The following ZDHHC11B variants were observed in gnomAD, a reference collection of about 807,000 sequenced individuals.
The protein encoded by ZDHHC11B is zDHHC palmitoyltransferase 11B (putative), also known as probable palmitoyltransferase ZDHHC11B.
A neutral mutation model predicts 42.3 loss-of-function variants in ZDHHC11B; 17 were observed. The observed-to-expected ratio is 0.40, with a 90% CI of 0.27 to 0.60. The LOEUF is 0.60. ZDHHC11B is among the 20% of genes least tolerant of loss of function. The probability of loss-of-function intolerance (pLI) is 0.41; values close to 1 mark genes in which losing one functional copy is unlikely to be tolerated. For missense variants in ZDHHC11B, 262 were observed against 463.2 expected (o/e 0.57, Z 3.99); for synonymous variants, 123 against 193.5 (o/e 0.64, Z 3.02).
intron 6 of ZDHHC11B, among the ~76,000 whole-genome samples, chr5:754,135 G>A (rs1746180723): frequency 1.5e-5 from 2 of 131,554 alleles, no homozygotes; most frequent in African/African-American, 2.5e-5. Context: ...TGTGCTCAGG[G>A]GAAACACCTC....
chr5:742,766 T>A (rs1744312356), intron 9 of ZDHHC11B, among the ~76,000 whole-genome samples: 1 of 149,514 alleles, frequency 6.7e-6, no homozygotes, highest in African/African-American at 2.5e-5. Context: ...ACCTGCAGTA[T>A]CTCTCATGTG....
chr5:744,205 C>T (rs1267655896), intron 9 of ZDHHC11B, among the ~76,000 whole-genome samples: 2 of 149,884 alleles, frequency 1.3e-5, no homozygotes, highest in East Asian at 4.1e-4. Context: ...AGTCCTGCCC[C>T]ATGCTGCTCG....
At chr5:754,251 G>T (rs1427147649) in intron 6 of ZDHHC11B, among the ~76,000 whole-genome samples, 29 of 118,034 alleles carry the variant, frequency 2.5e-4, no homozygotes, top group East Asian at 1.5e-3. Flanking sequence ...CCGTGCTCAG[G>T]GGAAACACCT....
In ZDHHC11B at chr5:716,341, G is replaced by C. The variant is rs1248488166; in HGVS notation, c.*7+460C>G. 4.0e-5 allele frequency among the ~76,000 whole-genome samples: 6 copies of C among 151,590 alleles called. No individual in the cohort carries two copies. The East Asian group carries it at 1.2e-3, about 29-fold the overall frequency. On this transcript the variant is annotated intron_variant, in intron 13 of 13. Coordinates refer to ENST00000508859, the MANE Select transcript of ZDHHC11B (RefSeq NM_001351303.2). ...TTTCCCCCTGATTCTGAAAGTAAAT[G>C]ATCATTTGTTTCACGGTTAAATTTC...
In ZDHHC11B at chr5:764,419, C is replaced by G. The variant is rs118001254; in HGVS notation, c.222+2279G>C. ...CACAGGCGGGAACCCAGCACTAGTT[C>G]GGGGTGGGCATGGGCTCAGCGGGCC... On this transcript the variant is annotated intron_variant, in intron 4 of 13. Transcript: ENST00000508859. Among the ~76,000 whole-genome samples, 236 of 151,108 alleles carry G rather than the reference C, an allele frequency of 1.6e-3. 2 individuals carry two copies. Among genetic ancestry groups the G allele is most frequent in the Non-Finnish European group, 2.6e-3 (178 of 67,354 alleles).
intron 10 of ZDHHC11B, among the ~76,000 whole-genome samples, chr5:738,875 A>C (rs1743828378): frequency 6.6e-6 from 1 of 150,966 alleles, no homozygotes; most frequent in South Asian, 2.1e-4. Context: ...ACTTCAGCAA[A>C]GAGCTCATGA....
intron 1 of ZDHHC11B, among the ~76,000 whole-genome samples, chr5:773,023 G>A (rs1174592288): frequency 6.6e-6 from 1 of 151,996 alleles, no homozygotes; most frequent in African/African-American, 2.4e-5. Context: ...TGGAGGAGCA[G>A]GACACGGGCC....
intron 12 of ZDHHC11B, among the ~76,000 whole-genome samples, chr5:725,940 A>T (rs1425890735): frequency 6.6e-6 from 1 of 152,076 alleles, no homozygotes; most frequent in African/African-American, 2.4e-5. Context: ...GAACAGCTCC[A>T]ACCTCCAGTG....
At position 744,157 on chromosome 5, in the gene ZDHHC11B, GC is replaced by G. The variant is rs1272516422; in HGVS notation, c.900+1025del. ...ATTGATTCCTAGGCCTTAAGGCACT[GC>G]TCACCCCTGGAGTGATATCACTTGG... On this transcript the variant is annotated intron_variant, in intron 9 of 13. Coordinates refer to ENST00000508859, the MANE Select transcript of ZDHHC11B (RefSeq NM_001351303.2). Among the ~76,000 whole-genome samples, 13 of 150,008 alleles carry G rather than the reference GC, an allele frequency of 8.7e-5. 3 individuals carry two copies. In the East Asian group the frequency reaches 2.7e-3, roughly 31 times the overall value.
intron 12 of ZDHHC11B, among the ~76,000 whole-genome samples, chr5:728,702 T>C (rs1742776436): frequency 6.6e-6 from 1 of 151,954 alleles, no homozygotes; most frequent in African/African-American, 2.4e-5. Flanking sequence ...GAGTATAAGT[T>C]AGGTATTAAA....
rs528298131 is a variant in ZDHHC11B at position 774,378 on chromosome 5, C to T, written c.-229-5448G>A. Among the ~76,000 whole-genome samples the T allele has an allele frequency of 3.7e-3, 564 of 152,258 alleles. 4 individuals carry two copies. Among genetic ancestry groups the T allele is most frequent in the Non-Finnish European group, 4.5e-3 (307 of 67,966 alleles). On this transcript the variant is annotated intron_variant, in intron 1 of 13. Transcript: ENST00000508859. ...TGGCATCAGTAAGCGGGGCCAGGCACTAGGACTGACCGGGCTCTGTCACTA... is the reference window on the plus strand; with the variant it reads ...TGGCATCAGTAAGCGGGGCCAGGCATTAGGACTGACCGGGCTCTGTCACTA...
In ZDHHC11B at chr5:753,704, G is replaced by C. The variant is rs1048318491; in HGVS notation, c.503+1294C>G. On this transcript the variant is annotated intron_variant, in intron 6 of 13. Coordinates refer to ENST00000508859, the MANE Select transcript of ZDHHC11B (RefSeq NM_001351303.2). The stretch of plus-strand genomic sequence containing the variant: ...GTCTCCCCGGCCCCTACCATCTCAC[G>C]CAGCCTCTGGACTCGCTGTGCGGTC... 4.7e-5 allele frequency among the ~76,000 whole-genome samples: 7 copies of C among 148,514 alleles called. 1 individual carries two copies. Among genetic ancestry groups the C allele is most frequent in the Admixed American group, 2.7e-4 (4 of 14,554 alleles).
At chr5:738,857 A>G (rs1394827716) in intron 10 of ZDHHC11B, among the ~76,000 whole-genome samples, 1 of 150,856 alleles carries the variant, frequency 6.6e-6, no homozygotes, top group Non-Finnish European at 1.5e-5. Context: ...AAACTTTTCT[A>G]GGCATTGACT....
chr5:718,443 G>A (rs968170528), intron 12 of ZDHHC11B, among the ~76,000 whole-genome samples: 1 of 151,752 alleles, frequency 6.6e-6, no homozygotes, highest in African/African-American at 2.4e-5. Flanking sequence ...GGAGGCTGAG[G>A]TGGGTGGATC....
Position 748,562 on chromosome 5 carries a change from G to T in ZDHHC11B, c.629-3C>A. 7.3e-7 allele frequency: 1 copy of T among 1,361,704 alleles called. No homozygotes were observed. Among genetic ancestry groups the T allele is most frequent in the Non-Finnish European group, 9.8e-7 (1 of 1,023,856 alleles). 84.4% of individuals were successfully genotyped at this position (1,361,704 alleles called of 1,614,324 possible). On this transcript the variant is annotated splice_polypyrimidine_tract_variant and splice_region_variant and intron_variant, in intron 7 of 13. Coordinates refer to ENST00000508859, the MANE Select transcript of ZDHHC11B (RefSeq NM_001351303.2). ...CCACGTGTTCATATTCTTGACATCT[G>T]GGGAGACAAGGGAGAGACACTGTGT...
chr5:774,900 G>A (rs1164961323), intron 1 of ZDHHC11B, among the ~76,000 whole-genome samples: 1 of 151,994 alleles, frequency 6.6e-6, no homozygotes, highest in East Asian at 1.9e-4. Context: ...CCACGCGGGG[G>A]TGGCGCCGAC....
chr5:718,362 TGG>T (rs1741921886), intron 12 of ZDHHC11B, among the ~76,000 whole-genome samples: 1 of 151,660 alleles, frequency 6.6e-6, no homozygotes, highest in Admixed American at 6.6e-5. Context: ...CAGACATGTA[TGG>T]GAGAGTGCTT....
chr5:726,003 G>A (rs1179761446), intron 12 of ZDHHC11B, among the ~76,000 whole-genome samples: 2 of 147,646 alleles, frequency 1.4e-5, no homozygotes, highest in African/African-American at 2.5e-5. Flanking sequence ...GTCTTCACAC[G>A]CGAAATCCTG....
In ZDHHC11B at chr5:784,692, G is replaced by C. The variant is rs1328109960; in HGVS notation, c.-254C>G. Among the ~76,000 whole-genome samples, 2 of 150,258 alleles carry C rather than the reference G, an allele frequency of 1.3e-5. No homozygotes were observed. The highest frequency in any genetic ancestry group is 3.0e-5 in the Non-Finnish European group (2 of 67,236). On this transcript the variant is annotated 5_prime_UTR_variant, in exon 1 of 14. Transcript: ENST00000508859. ...CCTTGGAGACGCAGCAACTGCAGCG[G>C]AGGCTCCCCCGCGACCCGGCCGCGC...
Sources: gnomAD v4.1 joint callset for allele counts (sites outside exome capture counted in the v4.1 genomes callset) on GRCh38, gnomAD v4.1.1 for gene constraint, MANE v1.5 for transcripts, NCBI Gene and HGNC (gene_info 2026-07-23, HGNC 2026-07-21) for gene names.